The following EFHC2 variants were observed in gnomAD, a reference collection of about 807,000 sequenced individuals.
EFHC2 encodes EF-hand domain-containing family member C2.
EFHC2 carries 18 observed loss-of-function variants against 52.7 expected under a neutral mutation model. That is an observed-to-expected ratio of 0.34 (90% CI 0.24 to 0.51). The LOEUF is 0.51. Among genes scored for constraint, EFHC2 ranks in the 20% least tolerant of loss-of-function variants. EFHC2 has a pLI of 0.97. For synonymous variants in EFHC2, 203 were observed against 204.1 expected (o/e 0.99, Z 0.04); for missense variants, 513 against 562.5 (o/e 0.91, Z 0.89).
chrX:44,248,969 T>C, intron 5 of EFHC2, 53 bp from the exon 6 acceptor site: 1 of 893,602 alleles, frequency 1.1e-6, no homozygotes, highest in Non-Finnish European at 1.6e-6. Flanking sequence ...ATTCCCTTTC[T>C]TACTATAACC....
At chrX:44,192,915 A>G (rs1392593737) in intron 11 of EFHC2, among the ~76,000 whole-genome samples, 1 of 110,366 alleles carries the variant, frequency 9.1e-6, no homozygotes, top group Non-Finnish European at 1.9e-5. Flanking sequence ...CAACCATCTG[A>G]ATGGACCCCT....
At position 44,294,875 on chromosome X, in the gene EFHC2, T is replaced by C. The variant is rs765076468; in HGVS notation, c.231+17693A>G. On this transcript the variant is annotated intron_variant, in intron 2 of 14. Transcript: ENST00000420999. Reference sequence around the variant, plus strand: ...AAGTTGTCTTCCATGTGTCAGGCGTTGTGCTAAGCTCTGAGAATTCAAAGC... The same window carrying C: ...AAGTTGTCTTCCATGTGTCAGGCGTCGTGCTAAGCTCTGAGAATTCAAAGC... Among the ~76,000 whole-genome samples, 11 of 112,421 alleles carry C rather than the reference T, an allele frequency of 9.8e-5. No individual in the cohort carries two copies. The South Asian group carries it at 4.0e-3, about 41-fold the overall frequency.
intron 12 of EFHC2, 143 bp downstream of exon 12, chrX:44,178,224 A>T: frequency 1.9e-6 from 1 of 526,658 alleles, no homozygotes; most frequent in Non-Finnish European, 3.0e-6. Flanking sequence ...AAAATGATTT[A>T]AGGTGTTTGT....
chrX:44,309,726 C>T lies in EFHC2; in HGVS notation c.231+2842G>A, dbSNP rs752648500. ...CATTGGAAAACGTGAGGCCAGGCAT[C>T]GGTCCTCGTTTCTTGAGCCAGAATA... On this transcript the variant is annotated intron_variant, in intron 2 of 14. Coordinates refer to ENST00000420999, the MANE Select transcript of EFHC2 (RefSeq NM_025184.4). 6 of 977,230 alleles carry T rather than the reference C, an allele frequency of 6.1e-6. No individual in the cohort carries two copies. In the South Asian group the frequency reaches 9.6e-5, roughly 16 times the overall value. 80.5% of individuals were successfully genotyped at this position (977,230 alleles called of 1,213,427 possible).
At chrX:44,167,562 A>G (rs1465828482) in intron 13 of EFHC2, among the ~76,000 whole-genome samples, 1 of 112,759 alleles carries the variant, frequency 8.9e-6, no homozygotes, top group African/African-American at 3.2e-5. Flanking sequence ...AATGATATTC[A>G]GGAAGGTCCA....
chrX:44,248,393 T>C lies in EFHC2; in HGVS notation c.990A>G (p.Gln330=). ...ACAGGTCACTATCTTTGTAAAACTCTTGGTCTACTTTTCCTAGCTAAAAAA... is the reference window on the plus strand; with the variant it reads ...ACAGGTCACTATCTTTGTAAAACTCCTGGTCTACTTTTCCTAGCTAAAAAA... ...FDRYKLGKVD[Q]EFYKDSDLSL... The change falls in exon 7 of 15, where the codon CAA becomes CAG. Residue 330 remains glutamine (Q), a synonymous_variant. Transcript: ENST00000420999. The C allele has an allele frequency of 8.4e-7, 1 of 1,187,486 alleles. No individual in the cohort carries two copies. Among genetic ancestry groups the C allele is most frequent in the Non-Finnish European group, 1.1e-6 (1 of 882,683 alleles).
chrX:44,236,715 T>G (rs1294575566), intron 8 of EFHC2, among the ~76,000 whole-genome samples: 1 of 111,535 alleles, frequency 9.0e-6, no homozygotes, highest in Non-Finnish European at 1.9e-5. Context: ...AGCAGCCAGG[T>G]CTGCATGGCT....
intron 11 of EFHC2, among the ~76,000 whole-genome samples, chrX:44,189,604 C>T (rs2036904726): frequency 9.0e-6 from 1 of 111,486 alleles, no homozygotes; most frequent in Non-Finnish European, 1.9e-5. Context: ...AGAAGCCCCA[C>T]CACTCAGGAA....
intron 10 of EFHC2, among the ~76,000 whole-genome samples, chrX:44,232,090 G>A (rs73628328): frequency 0.029 from 3,231 of 112,707 alleles, 116 homozygotes; most frequent in African/African-American, 0.1. Flanking sequence ...GGCCTTCTCT[G>A]TTGGCCTGTG....
intron 4 of EFHC2, among the ~76,000 whole-genome samples, chrX:44,259,494 T>A (rs112530655): frequency 0.099 from 11,061 of 111,616 alleles, 524 homozygotes; most frequent in Admixed American, 0.24. Context: ...GGTGTATACC[T>A]ATGTAACAAA....
At chrX:44,250,056 G>T in intron 5 of EFHC2, 138 bp downstream of exon 5, 1 of 688,597 alleles carries the variant, frequency 1.5e-6, no homozygotes. Context: ...TTAATAGAGG[G>T]CACAAAATGA....
chrX:44,180,338 A>C (rs2036823959), intron 11 of EFHC2, among the ~76,000 whole-genome samples: 1 of 112,438 alleles, frequency 8.9e-6, no homozygotes, highest in African/African-American at 3.2e-5. Flanking sequence ...CAGAGGGCTA[A>C]GTAACCACAA....
At chrX:44,307,511 T>C (rs765485930) in intron 2 of EFHC2, among the ~76,000 whole-genome samples, 18 of 111,921 alleles carry the variant, frequency 1.6e-4, no homozygotes, top group Non-Finnish European at 3.2e-4. Context: ...AAACTAACAA[T>C]AGAACAGGAC....
At chrX:44,308,588 T>C (rs925618249) in intron 2 of EFHC2, among the ~76,000 whole-genome samples, 6 of 111,267 alleles carry the variant, frequency 5.4e-5, no homozygotes. Flanking sequence ...GAGAGATTCC[T>C]TTATCCCACA....
intron 14 of EFHC2, among the ~76,000 whole-genome samples, chrX:44,154,750 A>G (rs773623532): frequency 1.4e-4 from 16 of 110,695 alleles, no homozygotes; most frequent in Middle Eastern, 9.3e-3. Flanking sequence ...TACATCATCT[A>G]CATTTGTAAC....
At chrX:44,282,215 C>A (rs1183950170) in intron 2 of EFHC2, among the ~76,000 whole-genome samples, 1 of 109,240 alleles carries the variant, frequency 9.2e-6, no homozygotes, top group Non-Finnish European at 1.9e-5. Flanking sequence ...TCTACGTTCT[C>A]CATGGAGTAT....
chrX:44,147,949 T>C lies in EFHC2; in HGVS notation c.*846A>G, dbSNP rs963377227. ...GAGTTCTGCTGAAGAAAAATAAAAATAGAACTAGAAAAATGCAGGGGAAAA... is the reference window on the plus strand; with the variant it reads ...GAGTTCTGCTGAAGAAAAATAAAAACAGAACTAGAAAAATGCAGGGGAAAA... On this transcript the variant is annotated 3_prime_UTR_variant, in exon 15 of 15. Coordinates refer to ENST00000420999, the MANE Select transcript of EFHC2 (RefSeq NM_025184.4). The C allele has an allele frequency of 1.8e-5, 2 of 109,888 alleles. No individual in the cohort carries two copies. Among genetic ancestry groups the C allele is most frequent in the African/African-American group, 3.3e-5 (1 of 30,058 alleles). 9.1% of individuals were successfully genotyped at this position (109,888 alleles called of 1,213,427 possible).
chrX:44,151,023 G>A (rs2036566301), intron 14 of EFHC2, among the ~76,000 whole-genome samples: 1 of 110,362 alleles, frequency 9.1e-6, no homozygotes, highest in Non-Finnish European at 1.9e-5. Flanking sequence ...TGACCATAGA[G>A]GCAGAGATTA....
At chrX:44,307,826 C>T (rs1189196185) in intron 2 of EFHC2, among the ~76,000 whole-genome samples, 2 of 109,947 alleles carry the variant, frequency 1.8e-5, no homozygotes, top group Non-Finnish European at 3.8e-5. Flanking sequence ...CCCAGCTACT[C>T]GGGAGGCTGA....
Sources: gnomAD v4.1 joint callset for allele counts (sites outside exome capture counted in the v4.1 genomes callset) on GRCh38, gnomAD v4.1.1 for gene constraint, MANE v1.5 for transcripts, NCBI Gene and HGNC (gene_info 2026-07-23, HGNC 2026-07-21) for gene names.